Variants in CDK17 observed in about 807,000 individuals in gnomAD.
The protein encoded by CDK17 is cyclin-dependent kinase 17.
In CDK17, 24 loss-of-function variants were observed where a neutral mutation model predicts 77.6. The observed-to-expected ratio is 0.31, with a 90% CI of 0.22 to 0.44. The LOEUF (loss-of-function observed/expected upper bound fraction) is 0.44, where lower values mean the gene tolerates loss of function less well. Ranked by LOEUF, CDK17 falls within the 20% of genes least tolerant of loss-of-function variation. The pLI, the probability that CDK17 is intolerant of heterozygous loss-of-function variation, is 1.00. For synonymous variants in CDK17, 203 were observed against 210.4 expected, an observed-to-expected ratio of 0.96 and a Z score of 0.30; for missense variants, 429 against 622.5, an observed-to-expected ratio of 0.69 and a Z score of 3.31.
At chr12:96,372,244 A>G (rs1476368984) in intron 1 of CDK17, among the ~76,000 whole-genome samples, 1 of 152,154 alleles carries the variant, frequency 6.6e-6, no homozygotes, top group Non-Finnish European at 1.5e-5. Flanking sequence ...GCATTCTTCA[A>G]TCTTCTGGTA....
intron 1 of CDK17, among the ~76,000 whole-genome samples, chr12:96,385,012 GAAAAAAAAAA>G (rs75720821): frequency 1.3e-5 from 1 of 75,504 alleles, no homozygotes; most frequent in Non-Finnish European, 2.6e-5. Flanking sequence ...TTTCTCAAGG[GAAAAAAAAAA>G]AAAAAAAAAA....
intron 10 of CDK17, 94 bp from the exon 11 acceptor site, chr12:96,289,381 G>C: frequency 1.4e-6 from 2 of 1,381,178 alleles, no homozygotes; most frequent in African/African-American, 2.9e-5. Flanking sequence ...AGGGATGCCT[G>C]AAATGGTTAA....
chr12:96,300,435 T>A, intron 5 of CDK17, 75 bp from the exon 6 acceptor site: 1 of 887,904 alleles, frequency 1.1e-6, no homozygotes, highest in East Asian at 2.7e-5. Context: ...CTCACTCTGT[T>A]GCCCAGGCTG....
At position 96,297,455 on chromosome 12, in the gene CDK17, A is replaced by G. The variant is rs551332741; in HGVS notation, c.811-123T>C. 3.1e-5 allele frequency: 23 copies of G among 752,224 alleles called. No homozygotes were observed. The African/African-American group carries it at 3.7e-4, about 12-fold the overall frequency. The allele number at this position is 752,224 out of a possible 1,614,324, so 46.6% of individuals were successfully genotyped here. ...AAAAGATACTGGATGCACCATACAC[A>G]TAATTTAATGAAAAACTGATAACTA... On this transcript the variant is annotated intron_variant, in intron 8 of 16. Transcript: ENST00000261211.
chr12:96,356,995 C>T (rs1369821755), intron 1 of CDK17, among the ~76,000 whole-genome samples: 1 of 152,160 alleles, frequency 6.6e-6, no homozygotes, highest in East Asian at 1.9e-4. Flanking sequence ...TTGTTTTAAA[C>T]AGCTGTTCAG....
chr12:96,382,601 A>G (rs764408054), intron 1 of CDK17, among the ~76,000 whole-genome samples: 21 of 152,168 alleles, frequency 1.4e-4, no homozygotes, highest in Non-Finnish European at 1.6e-4. Context: ...CATAGACACA[A>G]AAATCCTCAA....
chr12:96,354,219 T>A (rs1953361030), intron 1 of CDK17, among the ~76,000 whole-genome samples: 1 of 151,860 alleles, frequency 6.6e-6, no homozygotes. Context: ...AGTGAGAGAG[T>A]CAGGTCTTAA....
At chr12:96,380,280 CTGGTT>C (rs1472314963) in intron 1 of CDK17, among the ~76,000 whole-genome samples, 13 of 83,820 alleles carry the variant, frequency 1.6e-4, no homozygotes, top group Middle Eastern at 6.8e-3. Context: ...CTCTTTTTAG[CTGGTT>C]TTTTTTTTTT....
At chr12:96,317,515 A>C (rs1474860408) in intron 3 of CDK17, among the ~76,000 whole-genome samples, 2 of 110,186 alleles carry the variant, frequency 1.8e-5, no homozygotes, top group Non-Finnish European at 3.8e-5. Flanking sequence ...CCAAAGTTGA[A>C]ATGAAGGAAA....
chr12:96,289,394 C>G, intron 10 of CDK17, 107 bp from the exon 11 acceptor site: 1 of 1,265,680 alleles, frequency 7.9e-7, no homozygotes, highest in Non-Finnish European at 1.1e-6. Context: ...ATGGTTAATT[C>G]GTAGCTTCTT....
chr12:96,344,248 G>GC (rs1454379977), intron 1 of CDK17, among the ~76,000 whole-genome samples: 1 of 152,152 alleles, frequency 6.6e-6, no homozygotes, highest in Non-Finnish European at 1.5e-5. Flanking sequence ...CAGCATAGGA[G>GC]CCCCCAAAGA....
At chr12:96,386,255 CA>C (rs1953972631) in intron 1 of CDK17, among the ~76,000 whole-genome samples, 1 of 152,210 alleles carries the variant, frequency 6.6e-6, no homozygotes, top group Non-Finnish European at 1.5e-5. Flanking sequence ...CTCAGCCTCC[CA>C]AAGTGCTGGG....
At chr12:96,293,694 A>G (rs1053632895) in intron 10 of CDK17, among the ~76,000 whole-genome samples, 8 of 152,230 alleles carry the variant, frequency 5.3e-5, no homozygotes, top group Non-Finnish European at 1.0e-4. Flanking sequence ...TCTTTTATCC[A>G]TGCATGATTC....
At chr12:96,337,581 A>G (rs1484615711) in intron 1 of CDK17, among the ~76,000 whole-genome samples, 1 of 152,174 alleles carries the variant, frequency 6.6e-6, no homozygotes, top group African/African-American at 2.4e-5. Flanking sequence ...GAGAAAGTAA[A>G]CCATGAAGTT....
intron 1 of CDK17, chr12:96,387,202 G>A (rs1286682072): frequency 4.0e-6 from 1 of 252,776 alleles, no homozygotes; most frequent in Non-Finnish European, 8.3e-6. Context: ...CATCCTAGCA[G>A]TGCCGTCATT....
intron 1 of CDK17, among the ~76,000 whole-genome samples, chr12:96,373,930 C>T (rs559825842): frequency 5.7e-4 from 87 of 152,066 alleles, no homozygotes; most frequent in Non-Finnish European, 1.0e-3. Flanking sequence ...CCCTGGGCGA[C>T]AGAGCAAGAC....
intron 3 of CDK17, among the ~76,000 whole-genome samples, chr12:96,318,561 T>C (rs914591918): frequency 4.8e-5 from 7 of 146,646 alleles, no homozygotes; most frequent in Non-Finnish European, 7.5e-5. Context: ...AAAGCTCTCC[T>C]CAGCAAATGT....
chr12:96,342,554 G>A lies in CDK17; in HGVS notation c.-29-7689C>T, dbSNP rs1002658654. 3.3e-5 allele frequency among the ~76,000 whole-genome samples: 5 copies of A among 151,620 alleles called. No individual in the cohort carries two copies. In the South Asian group the frequency reaches 8.3e-4, roughly 25 times the overall value. ...TCCAGCCCAGGTGACAGAGCAAGAT[G>A]CCATGTCAAACAAACAAACAAACAA... On this transcript the variant is annotated intron_variant, in intron 1 of 16. Coordinates refer to ENST00000261211, the MANE Select transcript of CDK17 (RefSeq NM_002595.5).
intron 1 of CDK17, among the ~76,000 whole-genome samples, chr12:96,396,866 T>C (rs551216165): frequency 1.3e-5 from 2 of 152,268 alleles, no homozygotes; most frequent in South Asian, 2.1e-4. Flanking sequence ...TTCTAAAGAC[T>C]AGGAAACATC....
Sources: gnomAD v4.1 joint callset for allele counts (sites outside exome capture counted in the v4.1 genomes callset) on GRCh38, gnomAD v4.1.1 for gene constraint, MANE v1.5 for transcripts, NCBI Gene and HGNC (gene_info 2026-07-23, HGNC 2026-07-21) for gene names.